The following SOX6 variants were observed in gnomAD, a reference collection of about 807,000 sequenced individuals.
SOX6 encodes SRY-box transcription factor 6.
In SOX6, 11 loss-of-function variants were observed where a neutral mutation model predicts 97.8. That is an observed-to-expected ratio of 0.11 (90% CI 0.07 to 0.19). The LOEUF is 0.19. Ranked by LOEUF, SOX6 falls within the 10% of genes least tolerant of loss-of-function variation. The probability of loss-of-function intolerance (pLI) is 1.00; values close to 1 mark genes in which losing one functional copy is unlikely to be tolerated. For missense variants in SOX6, 810 were observed against 1,039.5 expected (o/e 0.78, Z 3.04); for synonymous variants, 360 against 371.4 (o/e 0.97, Z 0.35).
intron 13 of SOX6, among the ~76,000 whole-genome samples, chr11:15,995,894 T>C (rs1178526788): frequency 1.3e-5 from 2 of 152,048 alleles, no homozygotes; most frequent in African/African-American, 2.4e-5. Context: ...AAAATGAATA[T>C]GAAATATACT....
intron 1 of SOX6, among the ~76,000 whole-genome samples, chr11:16,366,775 C>T (rs1460216229): frequency 2.6e-5 from 4 of 152,160 alleles, no homozygotes; most frequent in Non-Finnish European, 5.9e-5. Context: ...CTGGTCCCTT[C>T]ACTTTCTTTC....
intron 11 of SOX6, among the ~76,000 whole-genome samples, chr11:16,049,213 A>T (rs533001453): frequency 5.5e-4 from 84 of 152,256 alleles, no homozygotes; most frequent in African/African-American, 1.9e-3. Context: ...ACATAGGGCT[A>T]TGAATATTCC....
In SOX6 at chr11:16,585,660, CGGA is replaced by C. The variant is rs1252779723; in HGVS notation, n.609+26418_609+26420del. On this transcript the variant is annotated intron_variant and non_coding_transcript_variant, in intron 4 of 5. Coordinates refer to the SOX6 transcript ENST00000524520. ...GGCGGGGGAGTCAACAAAGACTCAACGGAGAATTTTTTTTTTTTTACTTTTTTT... is the reference window on the plus strand; with the variant it reads ...GGCGGGGGAGTCAACAAAGACTCAACGAATTTTTTTTTTTTTACTTTTTTT... 1.2e-4 allele frequency among the ~76,000 whole-genome samples: 17 copies of C among 144,586 alleles called. No individual in the cohort carries two copies. In the Admixed American group the frequency reaches 1.2e-3, roughly 10 times the overall value. 94.9% of individuals were successfully genotyped at this position (144,586 alleles called of 152,430 possible). A position where few individuals can be genotyped will look rare whatever the true frequency, so the allele number is the denominator to read the frequency against.
intron 4 of SOX6, among the ~76,000 whole-genome samples, chr11:16,583,614 CATATATATAT>C (rs534690651): frequency 9.6e-6 from 1 of 104,706 alleles, no homozygotes; most frequent in African/African-American, 3.3e-5. Flanking sequence ...TATATATATA[CATATATATAT>C]ATATATATAT....
intron 1 of SOX6, among the ~76,000 whole-genome samples, chr11:16,439,304 C>A (rs1435751815): frequency 6.6e-6 from 1 of 152,134 alleles, no homozygotes; most frequent in Non-Finnish European, 1.5e-5. Context: ...AATTCTATTT[C>A]TTTTATTTAA....
chr11:16,128,962 G>C (rs950901937), intron 6 of SOX6, among the ~76,000 whole-genome samples: 3 of 151,704 alleles, frequency 2.0e-5, no homozygotes, highest in Non-Finnish European at 1.5e-5. Flanking sequence ...CCAGATTCAA[G>C]TGATTCTCCT....
intron 3 of SOX6, among the ~76,000 whole-genome samples, chr11:16,641,548 T>C (rs1848914322): frequency 6.6e-6 from 1 of 152,216 alleles, no homozygotes; most frequent in African/African-American, 2.4e-5. Flanking sequence ...TCTAAGTCTC[T>C]TTATAGGTCT....
chr11:16,248,436 C>A (rs1853405629), intron 3 of SOX6, among the ~76,000 whole-genome samples: 1 of 152,206 alleles, frequency 6.6e-6, no homozygotes, highest in Non-Finnish European at 1.5e-5. Context: ...ACCTCTGCAG[C>A]AAACTTCTAC....
intron 4 of SOX6, among the ~76,000 whole-genome samples, chr11:16,482,716 T>C (rs1860364190): frequency 6.6e-6 from 1 of 152,212 alleles, no homozygotes; most frequent in African/African-American, 2.4e-5. Context: ...CAATTATAAG[T>C]GATTTTCCTC....
intron 4 of SOX6, among the ~76,000 whole-genome samples, chr11:16,562,339 C>T (rs983928590): frequency 2.0e-5 from 3 of 151,986 alleles, no homozygotes; most frequent in African/African-American, 7.3e-5. Flanking sequence ...TTTCTTTTCG[C>T]GTTGTGTATA....
intron 9 of SOX6, among the ~76,000 whole-genome samples, chr11:16,072,365 T>C (rs955134675): frequency 7.9e-5 from 12 of 152,088 alleles, no homozygotes. Context: ...GGACTGCTTC[T>C]CTAAAATAAC....
chr11:16,622,550 T>G (rs568956156), intron 3 of SOX6, among the ~76,000 whole-genome samples: 1 of 152,368 alleles, frequency 6.6e-6, no homozygotes, highest in South Asian at 2.1e-4. Context: ...TTACTCTGCT[T>G]ACAATAATGG....
At chr11:16,144,226 C>G (rs889359493) in intron 6 of SOX6, among the ~76,000 whole-genome samples, 3 of 152,332 alleles carry the variant, frequency 2.0e-5, no homozygotes, top group Non-Finnish European at 4.4e-5. Flanking sequence ...TACATGGAAA[C>G]TGAACAACCT....
At chr11:16,063,799 T>C (rs747749278) in intron 9 of SOX6, among the ~76,000 whole-genome samples, 2 of 150,998 alleles carry the variant, frequency 1.3e-5, no homozygotes, top group Non-Finnish European at 3.0e-5. Flanking sequence ...TTCACAATTA[T>C]TATATAAGAT....
intron 6 of SOX6, among the ~76,000 whole-genome samples, chr11:16,138,728 G>A (rs1850046305): frequency 6.6e-6 from 1 of 151,472 alleles, no homozygotes; most frequent in Non-Finnish European, 1.5e-5. Context: ...AGTCCCCAGA[G>A]TGTGATGTTC....
At chr11:16,614,726 C>G (rs573303685) in intron 3 of SOX6, among the ~76,000 whole-genome samples, 9 of 152,262 alleles carry the variant, frequency 5.9e-5, no homozygotes, top group Non-Finnish European at 1.2e-4. Context: ...AAGGCCACAC[C>G]GTAGGTCCTC....
chr11:16,128,226 A>C (rs1210863699), intron 6 of SOX6, among the ~76,000 whole-genome samples: 1 of 152,210 alleles, frequency 6.6e-6, no homozygotes, highest in East Asian at 1.9e-4. Context: ...AATTAGAACT[A>C]GGTTTAACAA....
chr11:16,089,475 C>A (rs1430518836), intron 9 of SOX6, among the ~76,000 whole-genome samples: 1 of 152,062 alleles, frequency 6.6e-6, no homozygotes, highest in Non-Finnish European at 1.5e-5. Context: ...GAAAAGAATC[C>A]TTTATTAATG....
At chr11:16,066,864 G>A (rs552549448) in intron 9 of SOX6, among the ~76,000 whole-genome samples, 19 of 152,256 alleles carry the variant, frequency 1.2e-4, no homozygotes, top group Admixed American at 5.9e-4. Flanking sequence ...TCATGCCCAA[G>A]GCCATAGGAG....
Sources: gnomAD v4.1 joint callset for allele counts (sites outside exome capture counted in the v4.1 genomes callset) on GRCh38, gnomAD v4.1.1 for gene constraint, MANE v1.5 for transcripts, NCBI Gene and HGNC (gene_info 2026-07-23, HGNC 2026-07-21) for gene names.